Variants in L3MBTL4 observed in about 807,000 individuals in gnomAD.
The protein encoded by L3MBTL4 is lethal(3)malignant brain tumor-like protein 4.
A neutral mutation model predicts 84.5 loss-of-function variants in L3MBTL4; 70 were observed. The ratio of observed to expected loss-of-function variants is 0.83; its 90% CI spans 0.68 to 1.01. L3MBTL4 has a LOEUF of 1.01. Ranked by LOEUF, L3MBTL4 falls within the 50% of genes least tolerant of loss-of-function variation. The probability of loss-of-function intolerance (pLI) is 0.00; values close to 1 mark genes in which losing one functional copy is unlikely to be tolerated. For synonymous variants in L3MBTL4, 274 were observed against 259.8 expected (o/e 1.05, Z -0.52); for missense variants, 715 against 754.8 (o/e 0.95, Z 0.62).
In L3MBTL4 at chr18:6,355,224, GCA is replaced by G. The variant is rs746786520; in HGVS notation, c.-90-43170_-90-43169del. ...TAACGCAAAGGATAAATGCTTGAGA[GCA>G]CAGATACTCCTTTCCACATGATGTG... On this transcript the variant is annotated intron_variant, in intron 1 of 18. Coordinates refer to ENST00000317931, the MANE Select transcript of L3MBTL4 (RefSeq NM_001330559.2). 7.9e-5 allele frequency among the ~76,000 whole-genome samples: 12 copies of G among 152,268 alleles called. No homozygotes were observed. The East Asian group carries it at 1.2e-3, about 15-fold the overall frequency.
chr18:6,261,243 A>C (rs946752316), intron 5 of L3MBTL4, among the ~76,000 whole-genome samples: 1 of 152,214 alleles, frequency 6.6e-6, no homozygotes, highest in African/African-American at 2.4e-5. Flanking sequence ...CCAGTCTTAC[A>C]TGGCACTTTG....
At chr18:6,265,408 G>A (rs1468625120) in intron 4 of L3MBTL4, among the ~76,000 whole-genome samples, 1 of 152,172 alleles carries the variant, frequency 6.6e-6, no homozygotes, top group African/African-American at 2.4e-5. Context: ...CATACTAAGA[G>A]AGTAGTTAAG....
At chr18:6,006,133 A>G (rs1446351200) in intron 16 of L3MBTL4, among the ~76,000 whole-genome samples, 1 of 152,240 alleles carries the variant, frequency 6.6e-6, no homozygotes, top group African/African-American at 2.4e-5. Flanking sequence ...TGTTTTAAAC[A>G]TGCACAAACT....
chr18:6,336,498 A>G lies in L3MBTL4; in HGVS notation c.-90-24442T>C, dbSNP rs923333970. Among the ~76,000 whole-genome samples the G allele has an allele frequency of 1.2e-4, 18 of 152,222 alleles. 1 individual carries two copies. The highest frequency in any genetic ancestry group is 3.1e-4 in the African/African-American group (13 of 41,462). On this transcript the variant is annotated intron_variant, in intron 1 of 18. Coordinates refer to ENST00000317931, the MANE Select transcript of L3MBTL4 (RefSeq NM_001330559.2). ...GTTTTTCTACCAGTCACATAGTACTATGAAGACTAAAGATCAACAATGAAA... is the reference window on the plus strand; with the variant it reads ...GTTTTTCTACCAGTCACATAGTACTGTGAAGACTAAAGATCAACAATGAAA...
intron 1 of L3MBTL4, among the ~76,000 whole-genome samples, chr18:6,355,656 A>G (rs759655700): frequency 1.6e-4 from 25 of 152,162 alleles, no homozygotes; most frequent in Non-Finnish European, 3.7e-4. Context: ...ATTTAAATAC[A>G]TATGGCTAGC....
At chr18:6,011,743 G>A (rs186016245) in intron 16 of L3MBTL4, among the ~76,000 whole-genome samples, 26 of 152,260 alleles carry the variant, frequency 1.7e-4, no homozygotes, top group African/African-American at 6.0e-4. Flanking sequence ...AAGGAAACAC[G>A]GTGGCTTTTA....
chr18:6,118,077 G>A (rs955400120), intron 14 of L3MBTL4, among the ~76,000 whole-genome samples: 1 of 151,990 alleles, frequency 6.6e-6, no homozygotes, highest in Non-Finnish European at 1.5e-5. Context: ...AGAGGCTCCT[G>A]TCACCTCCTC....
chr18:6,112,496 G>A (rs963090589), intron 14 of L3MBTL4, among the ~76,000 whole-genome samples: 2 of 152,254 alleles, frequency 1.3e-5, no homozygotes, highest in African/African-American at 4.8e-5. Flanking sequence ...TTCTCTGGCT[G>A]CACAGAGGCC....
intron 18 of L3MBTL4, among the ~76,000 whole-genome samples, chr18:5,959,090 C>T (rs1452984276): frequency 6.6e-6 from 1 of 152,134 alleles, no homozygotes; most frequent in Non-Finnish European, 1.5e-5. Flanking sequence ...CTACTGTGCT[C>T]GGAGGGGTCC....
At chr18:6,054,266 C>T (rs1327056452) in intron 16 of L3MBTL4, among the ~76,000 whole-genome samples, 1 of 152,034 alleles carries the variant, frequency 6.6e-6, no homozygotes, top group Non-Finnish European at 1.5e-5. Context: ...ACTTAAGTCC[C>T]CCAGAGTGCC....
At chr18:6,048,720 C>T (rs111506846) in intron 16 of L3MBTL4, among the ~76,000 whole-genome samples, 9,884 of 150,632 alleles carry the variant, frequency 0.066, 1,089 homozygotes, top group African/African-American at 0.23. Context: ...ACCCGGGAGG[C>T]GGAGGCTGCA....
intron 16 of L3MBTL4, among the ~76,000 whole-genome samples, chr18:6,050,814 G>A (rs555587556): frequency 8.7e-4 from 133 of 152,244 alleles, no homozygotes; most frequent in African/African-American, 3.0e-3. Flanking sequence ...AGCTCATAAT[G>A]GGAAAAATAG....
chr18:5,985,973 G>A (rs1475146618), intron 16 of L3MBTL4, among the ~76,000 whole-genome samples: 3 of 152,168 alleles, frequency 2.0e-5, no homozygotes, highest in African/African-American at 7.2e-5. Context: ...GGGCAGGTGT[G>A]TCTAGGACCA....
chr18:6,146,724 A>ATTGTTT (rs1198951610), intron 13 of L3MBTL4, among the ~76,000 whole-genome samples: 4 of 152,202 alleles, frequency 2.6e-5, no homozygotes, highest in Non-Finnish European at 5.9e-5. Flanking sequence ...TATTTCTATT[A>ATTGTTT]TTGTTTTTGT....
At chr18:6,318,468 T>A (rs1489841659) in intron 1 of L3MBTL4, among the ~76,000 whole-genome samples, 2 of 28,786 alleles carry the variant, frequency 6.9e-5, no homozygotes, top group African/African-American at 1.2e-4. Context: ...TTATATCAGA[T>A]AAAACAGACT....
At chr18:6,104,748 A>C (rs534054792) in intron 14 of L3MBTL4, among the ~76,000 whole-genome samples, 63 of 152,364 alleles carry the variant, frequency 4.1e-4, no homozygotes, top group Non-Finnish European at 7.8e-4. Context: ...ATTGAGAAAA[A>C]GAAAAAGTTG....
intron 12 of L3MBTL4, among the ~76,000 whole-genome samples, chr18:6,188,376 G>T (rs1195813714): frequency 6.6e-6 from 1 of 151,228 alleles, no homozygotes; most frequent in Non-Finnish European, 1.5e-5. Flanking sequence ...GATATTTTAG[G>T]GAGTTCTGCT....
intron 1 of L3MBTL4, chr18:6,397,481 C>G (rs887664793): frequency 5.9e-5 from 9 of 152,050 alleles, no homozygotes; most frequent in African/African-American, 2.2e-4. Context: ...CCGAAGAGCC[C>G]AAATTGAAAA....
Position 6,406,425 on chromosome 18 carries a change from G to A in L3MBTL4, c.-91+8376C>T, listed in dbSNP as rs35541705. Among the ~76,000 whole-genome samples, 4 of 152,074 alleles carry A rather than the reference G, an allele frequency of 2.6e-5. No homozygotes were observed. In the South Asian group the frequency reaches 8.3e-4, roughly 32 times the overall value. On this transcript the variant is annotated intron_variant, in intron 1 of 18. Coordinates refer to ENST00000317931, the MANE Select transcript of L3MBTL4 (RefSeq NM_001330559.2). ...TGATAAAAAGTTCCCTCCTTGTAGAGAATGTGCTTTTCGATTCATATTCTG... is the reference window on the plus strand; with the variant it reads ...TGATAAAAAGTTCCCTCCTTGTAGAAAATGTGCTTTTCGATTCATATTCTG...
Sources: allele counts gnomAD v4.1 joint callset (sites outside exome capture counted in the v4.1 genomes callset), GRCh38; gene constraint gnomAD v4.1.1; transcripts MANE v1.5; gene names NCBI Gene and HGNC (gene_info 2026-07-23, HGNC 2026-07-21).